The following TSKS variants were observed in gnomAD, a reference collection of about 807,000 sequenced individuals.
TSKS encodes testis specific serine kinase substrate, also known as testis-specific serine kinase substrate.
TSKS carries 27 observed loss-of-function variants against 68.0 expected under a neutral mutation model. The observed-to-expected ratio is 0.40, with a 90% confidence interval of 0.29 to 0.55. TSKS has a LOEUF of 0.55. Among genes scored for constraint, TSKS ranks in the 20% least tolerant of loss-of-function variants. The probability of loss-of-function intolerance (pLI) is 0.53; values close to 1 mark genes in which losing one functional copy is unlikely to be tolerated. For missense variants in TSKS, 806 were observed against 776.0 expected, an observed-to-expected ratio of 1.04 and a Z score of -0.46; for synonymous variants, 331 against 340.4, an observed-to-expected ratio of 0.97 and a Z score of 0.30.
intron 4 of TSKS, among the ~76,000 whole-genome samples, chr19:49,747,773 A>G (rs2084315057): frequency 6.6e-6 from 1 of 151,988 alleles, no homozygotes; most frequent in Non-Finnish European, 1.5e-5. Context: ...CAGTGGCGCA[A>G]TCTTGGCTCA....
In TSKS at chr19:49,745,210, C is replaced by A; in HGVS notation, c.1179G>T (p.Leu393=). ...LQELRGRADE[L]CTMVERSAVS... ...CTGGCCCCAATCCTCACATGGTGCA[C>A]AGCTCATCCGCCCGACCTCGCAGCT... The change falls in exon 7 of 11, where the codon CTG becomes CTT. Residue 393 remains leucine (L), a synonymous_variant. Coordinates refer to ENST00000246801, the MANE Select transcript of TSKS (RefSeq NM_021733.2). 1 of 1,599,140 alleles carries A rather than the reference C, an allele frequency of 6.3e-7. No individual in the cohort carries two copies. Among genetic ancestry groups the A allele is most frequent in the Non-Finnish European group, 8.5e-7 (1 of 1,173,014 alleles).
chr19:49,753,871 A>C (rs1311447823), intron 2 of TSKS, among the ~76,000 whole-genome samples: 1 of 151,056 alleles, frequency 6.6e-6, no homozygotes, highest in Non-Finnish European at 1.5e-5. Flanking sequence ...CTACATTATG[A>C]TACTTTATTT....
At chr19:49,745,078 C>T (rs2084284708) in intron 7 of TSKS, 124 bp downstream of exon 7, 1 of 935,172 alleles carries the variant, frequency 1.1e-6, no homozygotes, top group South Asian at 2.0e-5. Flanking sequence ...TTCCCGATGT[C>T]GGTATATGTT....
At chr19:49,747,259 A>G (rs2084311024) in intron 5 of TSKS, 130 bp downstream of exon 5, 2 of 1,574,244 alleles carry the variant, frequency 1.3e-6, no homozygotes, top group Admixed American at 3.7e-5. Context: ...AGTTCTAAGG[A>G]TGACTATGTG....
In TSKS at chr19:49,743,611, C is replaced by A. The variant is rs143141743; in HGVS notation, c.1361+620G>T. Among the ~76,000 whole-genome samples the A allele has an allele frequency of 7.6e-3, 1,148 of 151,278 alleles. 12 individuals carry two copies. Among genetic ancestry groups the A allele is most frequent in the African/African-American group, 0.027 (1,104 of 41,106 alleles). ...CTCCCGGATTTACGCCATTCTCCTG[C>A]CTCAGCCTTCCTAGTAGCTGGGACT... On this transcript the variant is annotated intron_variant, in intron 8 of 10. Coordinates refer to ENST00000246801, the MANE Select transcript of TSKS (RefSeq NM_021733.2).
At position 49,760,621 on chromosome 19, in the gene TSKS, G is replaced by A. The variant is rs566538834; in HGVS notation, c.399+1383C>T. Among the ~76,000 whole-genome samples, 5 of 151,878 alleles carry A rather than the reference G, an allele frequency of 3.3e-5. No individual in the cohort carries two copies. The South Asian group carries it at 8.4e-4, about 25-fold the overall frequency. On this transcript the variant is annotated intron_variant, in intron 2 of 10. Coordinates refer to ENST00000246801, the MANE Select transcript of TSKS (RefSeq NM_021733.2). Reference sequence around the variant, plus strand: ...AAGTGCTGAGATTATAGGTCACTGCGCCTGGCCTACAAAAAATTTTTTTTT... The same window carrying A: ...AAGTGCTGAGATTATAGGTCACTGCACCTGGCCTACAAAAAATTTTTTTTT...
Position 49,745,257 on chromosome 19 carries a change from G to C in TSKS, c.1132C>G (p.Gln378Glu). ...QWERAQREQA[Q>E]TARDLQELRG... ...AGCTCCTGCAAGTCCCGCGCCGTCT[G>C]TGCCTGTTCGCGCTGTGCCCGCTCC... Residue 378 changes from glutamine (Q) to glutamate (E), a missense_variant, in exon 7 of 11, where the codon CAG becomes GAG. By Grantham distance (29) the Gln-to-Glu change is conservative. Coordinates refer to ENST00000246801, the MANE Select transcript of TSKS (RefSeq NM_021733.2). 6.2e-7 allele frequency: 1 copy of C among 1,608,344 alleles called. No homozygotes were observed.
At chr19:49,760,934 C>G (rs972814544) in intron 2 of TSKS, among the ~76,000 whole-genome samples, 1 of 151,738 alleles carries the variant, frequency 6.6e-6, no homozygotes, top group Non-Finnish European at 1.5e-5. Context: ...ACTAAAAATA[C>G]AAAATTAGCT....
chr19:49,760,909 A>T (rs2084434836), intron 2 of TSKS, among the ~76,000 whole-genome samples: 1 of 152,040 alleles, frequency 6.6e-6, no homozygotes, highest in African/African-American at 2.4e-5. Context: ...ACCAACATGG[A>T]GAAACCCTGT....
rs181219488 is a variant in TSKS, at chr19:49,741,698, A to G, written c.1497+187T>C. On this transcript the variant is annotated intron_variant, in intron 9 of 10. Coordinates refer to ENST00000246801, the MANE Select transcript of TSKS (RefSeq NM_021733.2). ...TAGCGTAATGATTGGCCTGTGACTCACTCACCACCAAACTGCTTGTCCATC... is the reference window on the plus strand; with the variant it reads ...TAGCGTAATGATTGGCCTGTGACTCGCTCACCACCAAACTGCTTGTCCATC... Among the ~76,000 whole-genome samples the G allele has an allele frequency of 5.3e-5, 8 of 152,030 alleles. No individual in the cohort carries two copies. In the East Asian group the frequency reaches 1.4e-3, roughly 26 times the overall value.
intron 2 of TSKS, among the ~76,000 whole-genome samples, chr19:49,749,445 G>A (rs537616493): frequency 9.9e-5 from 15 of 152,234 alleles, no homozygotes; most frequent in Admixed American, 9.2e-4. Flanking sequence ...GGTTCAGGAG[G>A]GATGCATGTG....
In TSKS at chr19:49,762,223, G is replaced by A. The variant is rs772389683; in HGVS notation, c.180C>T (p.Pro60=). The part of the protein sequence containing the change: ...KKAVSFHGVE[P]QMSHQPMHWC... ...AGTGCATGGGCTGATGGGACATCTGGGGCTCCACCCTGCAGAGAAGAAACA... is the reference window on the plus strand; with the variant it reads ...AGTGCATGGGCTGATGGGACATCTGAGGCTCCACCCTGCAGAGAAGAAACA... The change falls in exon 2 of 11, where the codon CCC becomes CCT. Residue 60 remains proline, a synonymous_variant. Coordinates refer to ENST00000246801, the MANE Select transcript of TSKS (RefSeq NM_021733.2). 2.3e-5 allele frequency: 37 copies of A among 1,613,638 alleles called. No homozygotes were observed. Among genetic ancestry groups the A allele is most frequent in the Non-Finnish European group, 3.1e-5 (36 of 1,179,938 alleles).
At chr19:49,746,275 C>T (rs1448486886) in intron 6 of TSKS, among the ~76,000 whole-genome samples, 195 bp downstream of exon 6, 1 of 152,120 alleles carries the variant, frequency 6.6e-6, no homozygotes, top group Non-Finnish European at 1.5e-5. Context: ...CGTGTCTCTA[C>T]CCACCTTCGT....
intron 9 of TSKS, among the ~76,000 whole-genome samples, chr19:49,740,714 T>C (rs1200839724): frequency 6.6e-6 from 1 of 151,808 alleles, no homozygotes; most frequent in Non-Finnish European, 1.5e-5. Flanking sequence ...TGAAACCCCA[T>C]CTCTACTAAA....
intron 4 of TSKS, 76 bp from the exon 5 acceptor site, chr19:49,747,548 C>T (rs2084313444): frequency 6.7e-7 from 1 of 1,491,682 alleles, no homozygotes. Flanking sequence ...TGTCTGTTTC[C>T]ATCCAGGCTC....
chr19:49,758,866 T>G (rs1270453188), intron 2 of TSKS, among the ~76,000 whole-genome samples: 1 of 152,064 alleles, frequency 6.6e-6, no homozygotes, highest in Non-Finnish European at 1.5e-5. Flanking sequence ...TTGTTTCTTT[T>G]TTTTTTTTGA....
chr19:49,761,013 G>A (rs1477845759), intron 2 of TSKS, among the ~76,000 whole-genome samples: 2 of 152,024 alleles, frequency 1.3e-5, no homozygotes, highest in East Asian at 1.9e-4. Flanking sequence ...GCTTGAACCC[G>A]GCCGGGAAGC....
chr19:49,761,924 C>G, intron 2 of TSKS, 80 bp downstream of exon 2: 1 of 1,224,266 alleles, frequency 8.2e-7, no homozygotes, highest in Non-Finnish European at 1.2e-6. Context: ...TCAAAAACAC[C>G]CCACCCCCGT....
At position 49,745,186 on chromosome 19, in the gene TSKS, T is replaced by C. The variant is rs368254608; in HGVS notation, c.1187+16A>G. 3 of 1,562,032 alleles carry C rather than the reference T, an allele frequency of 1.9e-6. No individual in the cohort carries two copies. Among genetic ancestry groups the C allele is most frequent in the East Asian group, 2.3e-5 (1 of 43,364 alleles). ...TGCCCCTTCCGGTCTTCCCATGCAC[T>C]GGCCCCAATCCTCACATGGTGCACA... On this transcript the variant is annotated intron_variant, in intron 7 of 10. Transcript: ENST00000246801.
Sources: gnomAD v4.1 joint callset for allele counts (sites outside exome capture counted in the v4.1 genomes callset) on GRCh38, gnomAD v4.1.1 for gene constraint, MANE v1.5 for transcripts, NCBI Gene and HGNC (gene_info 2026-07-23, HGNC 2026-07-21) for gene names.